The following RUNX1 variants were observed in gnomAD, a reference collection of about 807,000 sequenced individuals.
RUNX1 encodes the protein runt-related transcription factor 1.
In RUNX1, 19 loss-of-function variants were observed where a neutral mutation model predicts 42.8. The observed-to-expected ratio is 0.44, with a 90% CI of 0.31 to 0.65. The LOEUF (loss-of-function observed/expected upper bound fraction) is 0.65. RUNX1 is among the 30% of genes least tolerant of loss of function. The pLI is 0.07. For synonymous variants in RUNX1, 271 were observed against 289.4 expected (o/e 0.94, Z 0.64); for missense variants, 528 against 672.0 (o/e 0.79, Z 2.37).
At chr21:34,904,721 A>G (rs773436201) in intron 2 of RUNX1, among the ~76,000 whole-genome samples, 2 of 152,188 alleles carry the variant, frequency 1.3e-5, no homozygotes, top group Non-Finnish European at 2.9e-5. Flanking sequence ...ACTTCTAGGT[A>G]AGTTCTCAAG....
chr21:35,031,073 GT>G (rs1169590769), intron 2 of RUNX1, among the ~76,000 whole-genome samples: 1 of 152,232 alleles, frequency 6.6e-6, no homozygotes, highest in African/African-American at 2.4e-5. Context: ...AGATGGCCGG[GT>G]GCGGTGGCTC....
rs2056416209 is a variant in RUNX1, at chr21:34,790,136, T to A, written c.*1999A>T. 8.6e-6 allele frequency: 2 copies of A among 233,256 alleles called. No individual in the cohort carries two copies. The highest frequency in any genetic ancestry group is 1.2e-4 in the East Asian group (2 of 16,476). The allele number at this position is 233,256 out of a possible 1,614,324, so 14.4% of individuals were successfully genotyped here. Reference sequence around the variant, plus strand: ...GTTTGTCCGAGATCTGCTATAGCTCTTCTCTAGATAAGAACGACCTGACAA... The same window carrying A: ...GTTTGTCCGAGATCTGCTATAGCTCATCTCTAGATAAGAACGACCTGACAA... On this transcript the variant is annotated 3_prime_UTR_variant, in exon 9 of 9. Coordinates refer to ENST00000675419, the MANE Select transcript of RUNX1 (RefSeq NM_001754.5).
rs377694293 is a variant in RUNX1 at position 35,048,788 on chromosome 21, C to T, written c.58+54G>A. The T allele has an allele frequency of 3.5e-5, 52 of 1,476,890 alleles. No individual in the cohort carries two copies. In the African/African-American group the frequency reaches 7.2e-4, roughly 20 times the overall value. The allele number at this position is 1,476,890 out of a possible 1,614,324, so 91.5% of individuals were successfully genotyped here. A position where few individuals can be genotyped will look rare whatever the true frequency, so the allele number is the denominator to read the frequency against. On this transcript the variant is annotated intron_variant, in intron 2 of 8. Coordinates refer to ENST00000675419, the MANE Select transcript of RUNX1 (RefSeq NM_001754.5). The stretch of plus-strand genomic sequence containing the variant: ...ACCGAGGTGAAACAAGCTGCCATTT[C>T]ATTACAGGCAAAGCTGAGCAAAAGT...
chr21:34,993,612 CACACACACA>C (rs2058965605), intron 2 of RUNX1, among the ~76,000 whole-genome samples: 1 of 96,676 alleles, frequency 1.0e-5, no homozygotes, highest in African/African-American at 4.6e-5. Context: ...CACACACAGG[CACACACACA>C]GACACACACA....
chr21:34,810,325 C>T (rs1222157621), intron 7 of RUNX1, among the ~76,000 whole-genome samples: 1 of 152,194 alleles, frequency 6.6e-6, no homozygotes, highest in Non-Finnish European at 1.5e-5. Context: ...GATTTTATGC[C>T]AGGGATTCTG....
intron 2 of RUNX1, among the ~76,000 whole-genome samples, chr21:34,960,321 G>T (rs1195521410): frequency 1.3e-5 from 2 of 152,320 alleles, no homozygotes; most frequent in Non-Finnish European, 2.9e-5. Context: ...ATGAACAGAA[G>T]TGGGGAGCAT....
At chr21:34,824,928 G>A (rs753248986) in intron 7 of RUNX1, among the ~76,000 whole-genome samples, 1 of 152,230 alleles carries the variant, frequency 6.6e-6, no homozygotes, top group Non-Finnish European at 1.5e-5. Context: ...AGCTTTCTAA[G>A]TAGAGCTGTT....
chr21:34,880,533 G>C (rs1269307875), intron 5 of RUNX1, 24 bp downstream of exon 5: 1 of 1,612,850 alleles, frequency 6.2e-7, no homozygotes, highest in Admixed American at 1.7e-5. Context: ...CGTGTTTCAA[G>C]CATAGTTTTG....
At chr21:34,823,751 GTTT>G (rs1323784331) in intron 7 of RUNX1, among the ~76,000 whole-genome samples, 1 of 152,176 alleles carries the variant, frequency 6.6e-6, no homozygotes, top group Admixed American at 6.5e-5. Context: ...CCCCTGGTGT[GTTT>G]TAAAGCTCAA....
chr21:34,873,125 T>C (rs889051937), intron 5 of RUNX1, among the ~76,000 whole-genome samples: 3 of 152,204 alleles, frequency 2.0e-5, no homozygotes, highest in African/African-American at 7.2e-5. Flanking sequence ...CTATCCTCTA[T>C]ACAATAGTTT....
At chr21:34,879,629 T>C (rs542877629) in intron 5 of RUNX1, among the ~76,000 whole-genome samples, 19 of 152,202 alleles carry the variant, frequency 1.2e-4, no homozygotes, top group Non-Finnish European at 2.6e-4. Context: ...TTTATTATAC[T>C]TGAAATAACT....
In RUNX1 at chr21:34,788,665, A is replaced by G. The variant is rs1274927365; in HGVS notation, c.*3470T>C. 1 of 233,312 alleles carries G rather than the reference A, an allele frequency of 4.3e-6. No homozygotes were observed. 14.5% of individuals were successfully genotyped at this position (233,312 alleles called of 1,614,324 possible). ...TGTTGATGCAACTCTTCTGGAAGGA[A>G]AAAAAGAGCCAAATGATCAGCCTCA... On this transcript the variant is annotated 3_prime_UTR_variant, in exon 9 of 9. Coordinates refer to ENST00000675419, the MANE Select transcript of RUNX1 (RefSeq NM_001754.5).
At position 34,954,666 on chromosome 21, in the gene RUNX1, A is replaced by AAG. The variant is rs2146681363; in HGVS notation, c.59-61704_59-61703insCT. ...GGTTGAGAACTTAAAGGTGTCCTAT[A>AAG]TTATAATCCCACCCACCCTCTCTCC... On this transcript the variant is annotated intron_variant, in intron 2 of 8. Coordinates refer to ENST00000675419, the MANE Select transcript of RUNX1 (RefSeq NM_001754.5). Among the ~76,000 whole-genome samples, 3 of 152,276 alleles carry AAG rather than the reference A, an allele frequency of 2.0e-5. No individual in the cohort carries two copies. The South Asian group carries it at 6.2e-4, about 32-fold the overall frequency.
At chr21:34,977,427 T>C (rs960954165) in intron 2 of RUNX1, among the ~76,000 whole-genome samples, 2 of 152,366 alleles carry the variant, frequency 1.3e-5, no homozygotes, top group African/African-American at 2.4e-5. Flanking sequence ...GCTTGGGCTA[T>C]GGATTTAGGT....
At chr21:34,887,936 A>C in intron 3 of RUNX1, 1 of 1,065,642 alleles carries the variant, frequency 9.4e-7, no homozygotes, top group African/African-American at 1.6e-5. Flanking sequence ...ATCTTCAGCT[A>C]ATCTTAAAAC....
chr21:34,793,145 C>T (rs1264544695), intron 8 of RUNX1, among the ~76,000 whole-genome samples: 1 of 150,464 alleles, frequency 6.6e-6, no homozygotes, highest in African/African-American at 2.5e-5. Flanking sequence ...GAGGATGCTG[C>T]TGCCTAGGGA....
At position 34,843,704 on chromosome 21, in the gene RUNX1, C is replaced by T. The variant is rs767419863; in HGVS notation, c.614-9103G>A. Among the ~76,000 whole-genome samples, 30 of 151,170 alleles carry T rather than the reference C, an allele frequency of 2.0e-4. No homozygotes were observed. The highest frequency in any genetic ancestry group is 3.5e-4 in the Non-Finnish European group (24 of 67,936). ...GCCCCCCTGCACCATGCGCCCAAGA[C>T]TCACGGGACAAAAACCCAAACAAAA... On this transcript the variant is annotated intron_variant, in intron 6 of 8. Coordinates refer to ENST00000675419, the MANE Select transcript of RUNX1 (RefSeq NM_001754.5). This position sits in a 1 kb window ranked among gnomAD's most constrained non-coding sequence, Gnocchi z 4.8.
intron 7 of RUNX1, among the ~76,000 whole-genome samples, chr21:34,829,108 T>C (rs76168384): frequency 1.3e-5 from 2 of 152,212 alleles, no homozygotes; most frequent in East Asian, 1.9e-4. Flanking sequence ...AAAAGTCCTA[T>C]AGTGAATGTG....
intron 2 of RUNX1, among the ~76,000 whole-genome samples, chr21:34,993,317 A>G (rs1365995887): frequency 6.6e-6 from 1 of 152,198 alleles, no homozygotes; most frequent in African/African-American, 2.4e-5. Context: ...TGTAGGGTAG[A>G]AACCATTATC....
Sources: gnomAD v4.1 joint callset for allele counts (sites outside exome capture counted in the v4.1 genomes callset) on GRCh38, gnomAD v4.1.1 for gene constraint, Gnocchi (gnomAD v3.1) non-coding constraint, MANE v1.5 for transcripts, NCBI Gene and HGNC (gene_info 2026-07-23, HGNC 2026-07-21) for gene names.